The following LSAMP variants were observed in gnomAD, a reference collection of about 807,000 sequenced individuals.
LSAMP encodes the protein limbic system associated membrane protein.
Under a neutral mutation model 38.6 loss-of-function variants are expected in LSAMP, and 7 were observed. That is an observed-to-expected ratio of 0.18 (90% CI 0.10 to 0.34). The LOEUF (loss-of-function observed/expected upper bound fraction) is 0.34. Ranked by LOEUF, LSAMP falls within the 10% of genes least tolerant of loss-of-function variation. The pLI, the probability that LSAMP is intolerant of heterozygous loss-of-function variation, is 1.00. For missense variants in LSAMP, 313 were observed against 420.0 expected, an observed-to-expected ratio of 0.75 and a Z score of 2.23; for synonymous variants, 154 against 166.8, an observed-to-expected ratio of 0.92 and a Z score of 0.59.
At chr3:116,194,225 G>T (rs1710822455) in intron 1 of LSAMP, among the ~76,000 whole-genome samples, 1 of 152,130 alleles carries the variant, frequency 6.6e-6, no homozygotes, top group Admixed American at 6.5e-5. Context: ...AATGCTCATG[G>T]CTCCCATGGG....
intron 4 of LSAMP, among the ~76,000 whole-genome samples, chr3:115,847,660 A>T (rs188434972): frequency 1.7e-4 from 26 of 152,324 alleles, no homozygotes; most frequent in Admixed American, 9.8e-4. Context: ...TGATGGTTTT[A>T]TAAGAGTTTG....
chr3:116,277,966 G>GT (rs1342140682), intron 1 of LSAMP, among the ~76,000 whole-genome samples: 2 of 152,144 alleles, frequency 1.3e-5, no homozygotes, highest in African/African-American at 2.4e-5. Context: ...AATAATTACT[G>GT]TAACACTATT....
chr3:116,191,126 G>A (rs555370965), intron 1 of LSAMP, among the ~76,000 whole-genome samples: 1 of 152,260 alleles, frequency 6.6e-6, no homozygotes, highest in Admixed American at 6.5e-5. Flanking sequence ...GGGAGGCTGA[G>A]GCAGGAGAAT....
At chr3:116,286,823 T>C (rs923209354) in intron 1 of LSAMP, among the ~76,000 whole-genome samples, 1 of 151,862 alleles carries the variant, frequency 6.6e-6, no homozygotes, top group Non-Finnish European at 1.5e-5. Context: ...CTATTAAATA[T>C]TAATGTCATT....
chr3:116,011,018 T>C (rs755516269), intron 3 of LSAMP, among the ~76,000 whole-genome samples: 60 of 152,156 alleles, frequency 3.9e-4, no homozygotes, highest in Non-Finnish European at 7.8e-4. Context: ...TTATGCTTTT[T>C]TTTGAGACAG....
In LSAMP at chr3:115,809,885, A is replaced by G. The variant is rs1226870070; in HGVS notation, c.*432T>C. On this transcript the variant is annotated 3_prime_UTR_variant, in exon 7 of 7. Transcript: ENST00000490035. ...AATAGAATTAAAAGGTTATGGAAAT[A>G]TAAACACCAAAGGCAAGACCTTATT... The G allele has an allele frequency of 1.3e-5, 2 of 150,884 alleles. No individual in the cohort carries two copies. The highest frequency in any genetic ancestry group is 5.4e-5 in the African/African-American group (2 of 37,378). 9.3% of individuals were successfully genotyped at this position (150,884 alleles called of 1,614,324 possible). A position where few individuals can be genotyped will look rare whatever the true frequency, so the allele number is the denominator to read the frequency against.
intron 3 of LSAMP, among the ~76,000 whole-genome samples, chr3:115,934,424 G>A (rs1027539553): frequency 2.6e-5 from 4 of 152,012 alleles, no homozygotes; most frequent in African/African-American, 7.2e-5. Flanking sequence ...CAATCCACCT[G>A]CCTCGGCCTC....
At chr3:116,168,116 TAAAC>T (rs141505711) in intron 1 of LSAMP, among the ~76,000 whole-genome samples, 18,105 of 152,250 alleles carry the variant, frequency 0.12, 1,119 homozygotes, top group Non-Finnish European at 0.13. Context: ...TTGGTGGAAA[TAAAC>T]AAGTTATTCA....
chr3:115,974,266 C>A (rs1939112554), intron 3 of LSAMP, among the ~76,000 whole-genome samples: 1 of 152,192 alleles, frequency 6.6e-6, no homozygotes, highest in African/African-American at 2.4e-5. Context: ...ATTGCTTGAA[C>A]CCGGGAAGAG....
chr3:115,875,867 TACA>T (rs1936167272), intron 3 of LSAMP, among the ~76,000 whole-genome samples: 1 of 152,152 alleles, frequency 6.6e-6, no homozygotes, highest in Non-Finnish European at 1.5e-5. Flanking sequence ...ATGAGCTCTA[TACA>T]ACAATATTTT....
chr3:116,125,370 C>T (rs1365402469), intron 1 of LSAMP, among the ~76,000 whole-genome samples: 1 of 151,398 alleles, frequency 6.6e-6, no homozygotes, highest in Non-Finnish European at 1.5e-5. Flanking sequence ...TCCCCCACCC[C>T]CGCCACGAGT....
At chr3:115,845,627 T>C (rs766370294) in intron 4 of LSAMP, among the ~76,000 whole-genome samples, 2 of 152,198 alleles carry the variant, frequency 1.3e-5, no homozygotes, top group African/African-American at 2.4e-5. Flanking sequence ...TCTGCTTTCA[T>C]GTGGGCAGGC....
chr3:115,968,967 G>A (rs1035216074), intron 3 of LSAMP, among the ~76,000 whole-genome samples: 2 of 152,182 alleles, frequency 1.3e-5, no homozygotes, highest in Admixed American at 6.5e-5. Context: ...GCTTTCTGCA[G>A]TGAAAAGCAG....
intron 3 of LSAMP, among the ~76,000 whole-genome samples, chr3:115,941,097 T>C (rs1466414252): frequency 2.0e-5 from 3 of 152,104 alleles, no homozygotes; most frequent in Non-Finnish European, 4.4e-5. Flanking sequence ...AAAACTCAAA[T>C]GACCCAATTA....
chr3:115,919,030 C>T (rs562827032), intron 3 of LSAMP, among the ~76,000 whole-genome samples: 1 of 152,258 alleles, frequency 6.6e-6, no homozygotes, highest in East Asian at 1.9e-4. Context: ...GGGAGATGGA[C>T]TAAGAGAGAT....
chr3:115,805,610 G>A lies in LSAMP; in HGVS notation c.*4707C>T, dbSNP rs1334945210. ...CATAATATTCATAAACATTTTCGCT[G>A]GTGTAAATGTTAAACCTAAACCCAA... is the stretch of plus-strand genomic sequence containing the variant. On this transcript the variant is annotated 3_prime_UTR_variant, in exon 7 of 7. Transcript: ENST00000490035. The A allele has an allele frequency of 6.6e-6, 1 of 152,128 alleles. No homozygotes were observed. Among genetic ancestry groups the A allele is most frequent in the East Asian group, 1.9e-4 (1 of 5,200 alleles). The allele number at this position is 152,128 out of a possible 1,614,324, so 9.4% of individuals were successfully genotyped here.
intron 1 of LSAMP, among the ~76,000 whole-genome samples, chr3:116,122,885 A>G (rs7633589): frequency 0.021 from 3,265 of 152,254 alleles, 118 homozygotes; most frequent in African/African-American, 0.075. Context: ...TATCCATGAG[A>G]GACATGGAAG....
intron 6 of LSAMP, among the ~76,000 whole-genome samples, chr3:115,832,475 A>G (rs895960130): frequency 2.0e-5 from 3 of 152,192 alleles, no homozygotes; most frequent in Non-Finnish European, 4.4e-5. Flanking sequence ...CATGCTTCTC[A>G]TAGATATTTG....
chr3:116,254,238 T>A (rs1337029243), intron 1 of LSAMP, among the ~76,000 whole-genome samples: 6 of 152,136 alleles, frequency 3.9e-5, no homozygotes, highest in Admixed American at 1.3e-4. Flanking sequence ...TATTAGTCTG[T>A]CCACAAATTA....
Sources: allele counts gnomAD v4.1 joint callset (sites outside exome capture counted in the v4.1 genomes callset), GRCh38; gene constraint gnomAD v4.1.1; transcripts MANE v1.5; gene names NCBI Gene and HGNC (gene_info 2026-07-23, HGNC 2026-07-21).